Variants in LSAMP observed in about 807,000 individuals in gnomAD.
LSAMP encodes limbic system associated membrane protein, also known as limbic system-associated membrane protein.
In LSAMP, 7 loss-of-function variants were observed where a neutral mutation model predicts 38.6. The ratio of observed to expected loss-of-function variants is 0.18; its 90% CI spans 0.10 to 0.34. LSAMP has a LOEUF of 0.34. Among genes scored for constraint, LSAMP ranks in the 10% least tolerant of loss-of-function variants. The pLI is 1.00. For missense variants in LSAMP, 313 were observed against 420.0 expected, an observed-to-expected ratio of 0.75 and a Z score of 2.23; for synonymous variants, 154 against 166.8, an observed-to-expected ratio of 0.92 and a Z score of 0.59.
chr3:116,440,759 G>C (rs924253693), intron 1 of LSAMP, among the ~76,000 whole-genome samples: 1 of 152,182 alleles, frequency 6.6e-6, no homozygotes, highest in Non-Finnish European at 1.5e-5. Context: ...GATCCTTACA[G>C]TATCAGGGCT....
chr3:115,857,496 C>T (rs760855352), intron 3 of LSAMP, among the ~76,000 whole-genome samples: 1 of 152,082 alleles, frequency 6.6e-6, no homozygotes, highest in Non-Finnish European at 1.5e-5. Context: ...TTCTCTTGTC[C>T]CTATCTATTA....
intron 1 of LSAMP, among the ~76,000 whole-genome samples, chr3:116,147,807 T>C (rs1042814545): frequency 5.3e-5 from 8 of 151,956 alleles, no homozygotes; most frequent in African/African-American, 1.2e-4. Flanking sequence ...TCAGATGGTG[T>C]CATGATTTCT....
chr3:116,042,572 G>A (rs1350471372), intron 2 of LSAMP, among the ~76,000 whole-genome samples: 1 of 151,974 alleles, frequency 6.6e-6, no homozygotes, highest in Non-Finnish European at 1.5e-5. Flanking sequence ...TGGGATTACA[G>A]GCACATGCCA....
At chr3:116,027,989 G>T (rs975216693) in intron 2 of LSAMP, among the ~76,000 whole-genome samples, 81 of 152,274 alleles carry the variant, frequency 5.3e-4, no homozygotes, top group African/African-American at 1.7e-3. Flanking sequence ...TGATGGTGGG[G>T]TCTTAAAGAA....
At chr3:116,330,831 C>T in intron 1 of LSAMP, among the ~76,000 whole-genome samples, 1 of 151,964 alleles carries the variant, frequency 6.6e-6, no homozygotes, top group Non-Finnish European at 1.5e-5. Flanking sequence ...TTATTAGATA[C>T]AAATGTCCAA....
chr3:116,034,378 C>T (rs925343397), intron 2 of LSAMP, among the ~76,000 whole-genome samples: 8 of 152,044 alleles, frequency 5.3e-5, no homozygotes, highest in Non-Finnish European at 7.4e-5. Context: ...GAGGAAAGGG[C>T]GAGCTGCTCC....
chr3:116,192,938 T>C (rs781704607), intron 1 of LSAMP, among the ~76,000 whole-genome samples: 10 of 152,214 alleles, frequency 6.6e-5, no homozygotes, highest in Non-Finnish European at 1.5e-4. Flanking sequence ...CCAGAGGTGC[T>C]TCAACCACCA....
intron 3 of LSAMP, among the ~76,000 whole-genome samples, chr3:115,965,786 G>T (rs1396266318): frequency 6.6e-6 from 1 of 151,596 alleles, no homozygotes; most frequent in African/African-American, 2.4e-5. Context: ...TTAATCAAAG[G>T]CATACAAGTT....
chr3:116,221,844 AGTGTGTGTGTGTGTGTGTGT>A (rs58596077), intron 1 of LSAMP, among the ~76,000 whole-genome samples: 1 of 145,370 alleles, frequency 6.9e-6, no homozygotes, highest in South Asian at 2.3e-4. Flanking sequence ...CCTAAAAAGA[AGTGTGTGTGTGTGTGTGTGT>A]GTGTGTGTGT....
chr3:115,823,340 C>T (rs1482167719), intron 6 of LSAMP, among the ~76,000 whole-genome samples: 1 of 152,206 alleles, frequency 6.6e-6, no homozygotes, highest in Non-Finnish European at 1.5e-5. Context: ...GCTCCTGGGC[C>T]TGCCTCTGCT....
chr3:115,853,996 C>T (rs964928094), intron 3 of LSAMP, among the ~76,000 whole-genome samples: 3 of 152,032 alleles, frequency 2.0e-5, no homozygotes, highest in Admixed American at 2.0e-4. Context: ...TCAGCTAAAC[C>T]TGTTAACTAG....
In LSAMP at chr3:116,318,518, T is replaced by C. The variant is rs2047664170; in HGVS notation, c.155+126359A>G. On this transcript the variant is annotated intron_variant, in intron 1 of 6. Transcript: ENST00000490035. ...CCAAGCCAACTGTCAGCCTGACCTT[T>C]ACAAATGATCTTTAGTCATCTAATT... is the stretch of plus-strand genomic sequence containing the variant. Among the ~76,000 whole-genome samples, 7 of 152,196 alleles carry C rather than the reference T, an allele frequency of 4.6e-5. No individual in the cohort carries two copies. The South Asian group carries it at 1.4e-3, about 32-fold the overall frequency.
intron 1 of LSAMP, among the ~76,000 whole-genome samples, chr3:116,293,634 G>A (rs1198054508): frequency 6.6e-6 from 1 of 152,074 alleles, no homozygotes; most frequent in African/African-American, 2.4e-5. Context: ...AATAAGCAAA[G>A]TTGTTATCTA....
chr3:116,028,589 T>C (rs968460657), intron 2 of LSAMP, among the ~76,000 whole-genome samples: 1 of 152,160 alleles, frequency 6.6e-6, no homozygotes, highest in African/African-American at 2.4e-5. Context: ...GGATTGACAT[T>C]AGGGTCAAAT....
chr3:116,185,766 T>C (rs2107575307), intron 1 of LSAMP, among the ~76,000 whole-genome samples: 1 of 152,150 alleles, frequency 6.6e-6, no homozygotes, highest in South Asian at 2.1e-4. Context: ...TTAAATTCAC[T>C]GTAGTGGCAT....
At chr3:115,892,822 C>T (rs1291152666) in intron 3 of LSAMP, among the ~76,000 whole-genome samples, 1 of 148,760 alleles carries the variant, frequency 6.7e-6, no homozygotes, top group East Asian at 2.0e-4. Flanking sequence ...ATATAATATA[C>T]ATCAATTATA....
intron 3 of LSAMP, among the ~76,000 whole-genome samples, chr3:115,893,545 G>A (rs1305867622): frequency 6.6e-6 from 1 of 151,724 alleles, no homozygotes; most frequent in African/African-American, 2.4e-5. Flanking sequence ...AAAAATCAAA[G>A]GACCTTTTAA....
chr3:115,885,784 T>A (rs1297512890), intron 3 of LSAMP, among the ~76,000 whole-genome samples: 1 of 151,826 alleles, frequency 6.6e-6, no homozygotes, highest in African/African-American at 2.4e-5. Flanking sequence ...TCATGCAGGC[T>A]AATGCTACCA....
At chr3:116,332,375 G>A (rs556149792) in intron 1 of LSAMP, among the ~76,000 whole-genome samples, 1 of 152,054 alleles carries the variant, frequency 6.6e-6, no homozygotes, top group Admixed American at 6.6e-5. Context: ...AGCTGTAAAG[G>A]AGCAGGGTTT....
Sources: allele counts gnomAD v4.1 joint callset (sites outside exome capture counted in the v4.1 genomes callset), GRCh38; gene constraint gnomAD v4.1.1; transcripts MANE v1.5; gene names NCBI Gene and HGNC (gene_info 2026-07-23, HGNC 2026-07-21).